Variants in CUZD1 observed in about 807,000 individuals in gnomAD.
The protein encoded by CUZD1 is CUB and zona pellucida-like domain-containing protein 1.
A neutral mutation model predicts 53.1 loss-of-function variants in CUZD1; 42 were observed. The observed-to-expected ratio is 0.79, with a 90% CI of 0.62 to 1.02. The LOEUF (loss-of-function observed/expected upper bound fraction) is 1.02. CUZD1 is among the 50% of genes least tolerant of loss of function. The pLI is 0.00. For missense variants in CUZD1, 670 were observed against 715.7 expected (o/e 0.94, Z 0.73); for synonymous variants, 238 against 257.2 (o/e 0.93, Z 0.71).
intron 1 of CUZD1, among the ~76,000 whole-genome samples, chr10:122,842,909 G>T (rs1440467229): frequency 6.6e-6 from 1 of 152,086 alleles, no homozygotes; most frequent in African/African-American, 2.4e-5. Context: ...AAACCACAAC[G>T]AGATATCACT....
intron 3 of CUZD1, chr10:122,838,000 G>GAT: frequency 1.3e-5 from 2 of 154,872 alleles, no homozygotes; most frequent in South Asian, 2.0e-4. Flanking sequence ...CCTCTTCCCT[G>GAT]ACTCCCACCT....
Position 122,838,902 on chromosome 10 carries a change from A to G in CUZD1, c.448+115T>C, listed in dbSNP as rs1847293215. ...TTAGAGAACTACTGCTCTCTCAGATAGAGAAGACTCTGAGGGAATATACTC... is the reference window on the plus strand; with the variant it reads ...TTAGAGAACTACTGCTCTCTCAGATGGAGAAGACTCTGAGGGAATATACTC... On this transcript the variant is annotated intron_variant, in intron 3 of 8. Coordinates refer to ENST00000392790, the MANE Select transcript of CUZD1 (RefSeq NM_022034.6). 5.3e-6 allele frequency: 4 copies of G among 750,908 alleles called. No individual in the cohort carries two copies. In the African/African-American group the frequency reaches 7.1e-5, roughly 13 times the overall value. 46.5% of individuals were successfully genotyped at this position (750,908 alleles called of 1,614,324 possible).
intron 6 of CUZD1, among the ~76,000 whole-genome samples, chr10:122,835,947 C>A (rs1847243615): frequency 6.6e-6 from 1 of 152,072 alleles, no homozygotes; most frequent in Non-Finnish European, 1.5e-5. Context: ...GAGTTCTTTA[C>A]CTTCTGGGAA....
chr10:122,834,006 G>A, intron 7 of CUZD1, 66 bp from the exon 8 acceptor site: 3 of 1,457,732 alleles, frequency 2.1e-6, no homozygotes, highest in Non-Finnish European at 2.8e-6. Context: ...ATACTAAAAA[G>A]TTTTCTCTCA....
intron 7 of CUZD1, 60 bp downstream of exon 7, chr10:122,834,646 T>A: frequency 6.5e-6 from 9 of 1,389,972 alleles, no homozygotes; most frequent in Non-Finnish European, 8.6e-6. Context: ...AATTACTTTA[T>A]TGAAATTATT....
At chr10:122,843,071 A>G (rs1259560678) in intron 1 of CUZD1, among the ~76,000 whole-genome samples, 1 of 152,244 alleles carries the variant, frequency 6.6e-6, no homozygotes, top group Admixed American at 6.5e-5. Flanking sequence ...AAAAGAGTAA[A>G]CATACAGTTA....
At chr10:122,839,736 G>C (rs1847307427) in intron 2 of CUZD1, among the ~76,000 whole-genome samples, 1 of 152,282 alleles carries the variant, frequency 6.6e-6, no homozygotes, top group Non-Finnish European at 1.5e-5. Flanking sequence ...CCCATGCCCT[G>C]CACTGGACAG....
chr10:122,833,968 G>C (rs200292803), intron 7 of CUZD1, 28 bp from the exon 8 acceptor site: 1 of 1,594,112 alleles, frequency 6.3e-7, no homozygotes. Flanking sequence ...AACATGTTTA[G>C]AAGATACAGA....
intron 2 of CUZD1, among the ~76,000 whole-genome samples, chr10:122,839,745 AG>A (rs1169238352): frequency 6.6e-6 from 1 of 152,222 alleles, no homozygotes; most frequent in Non-Finnish European, 1.5e-5. Context: ...TGCACTGGAC[AG>A]GACAGCCCAG....
Position 122,836,280 on chromosome 10 carries a change from A to G in CUZD1, c.888T>C (p.Ser296=), listed in dbSNP as rs1037623227. ...CTTTTAGTTGCAAGTTATTCCCATT[A>G]GAGTTAAAAGCCTCTAGGTAGGATT... is the stretch of plus-strand genomic sequence containing the variant. ...ISKSYLEAFN[S]NGNNLQLKDP... Residue 296 remains serine (S), a synonymous_variant, in exon 6 of 9, where the codon TCT becomes TCC. Coordinates refer to ENST00000392790, the MANE Select transcript of CUZD1 (RefSeq NM_022034.6). 2 of 1,612,168 alleles carry G rather than the reference A, an allele frequency of 1.2e-6. No homozygotes were observed. Among genetic ancestry groups the G allele is most frequent in the African/African-American group, 2.7e-5 (2 of 74,662 alleles).
At chr10:122,833,542 A>T (rs1210481883) in intron 8 of CUZD1, 130 bp downstream of exon 8, 2 of 975,958 alleles carry the variant, frequency 2.0e-6, no homozygotes, top group South Asian at 1.6e-5. Flanking sequence ...CTATATACTT[A>T]AAATTCAACT....
intron 3 of CUZD1, chr10:122,837,776 T>C (rs2133814738): frequency 7.0e-6 from 3 of 430,410 alleles, no homozygotes; most frequent in Non-Finnish European, 8.1e-6. Flanking sequence ...AAACGAATCA[T>C]ATTAAAGTTG....
Position 122,837,496 on chromosome 10 carries a change from AT to A in CUZD1, c.506del (p.Asn169IlefsTer24). The A allele has an allele frequency of 6.2e-7, 1 of 1,610,720 alleles. No individual in the cohort carries two copies. Among genetic ancestry groups the A allele is most frequent in the African/African-American group, 1.3e-5 (1 of 74,886 alleles). On this transcript the variant is annotated frameshift_variant, in exon 4 of 9. Coordinates refer to ENST00000392790, the MANE Select transcript of CUZD1 (RefSeq NM_022034.6). LOFTEE classifies it high-confidence loss of function. ...CCAGCTCAGGATGCGGCTTTGGGTA[AT>A]TGGGGCTGGTGAAGGATCCTTCCAA... ...DTLEGSFTSP[N>X]YPKPHPELAY...
At position 122,832,470 on chromosome 10, in the gene CUZD1, G is replaced by A. The variant is rs1224223124; in HGVS notation, c.1652-20C>T. 1.2e-6 allele frequency: 2 copies of A among 1,610,978 alleles called. No individual in the cohort carries two copies. Among genetic ancestry groups the A allele is most frequent in the Admixed American group, 3.3e-5 (2 of 59,828 alleles). ...GAAATCCTAAAATTGGAAACAAGATGAAAATCACTTTTTAAGAAGTGTTCA... is the reference window on the plus strand; with the variant it reads ...GAAATCCTAAAATTGGAAACAAGATAAAAATCACTTTTTAAGAAGTGTTCA... On this transcript the variant is annotated intron_variant, in intron 8 of 8. Transcript: ENST00000392790.
intron 1 of CUZD1, 66 bp downstream of exon 1, chr10:122,845,696 T>G (rs1847427227): frequency 1.4e-6 from 2 of 1,411,316 alleles, no homozygotes; most frequent in Admixed American, 1.9e-5. Context: ...TGAAAAATTT[T>G]GAAAGAGGCC....
intron 3 of CUZD1, 172 bp from the exon 4 acceptor site, chr10:122,837,726 C>T: frequency 3.4e-6 from 2 of 580,894 alleles, no homozygotes; most frequent in Non-Finnish European, 5.7e-6. Context: ...AATTTCTGTC[C>T]ACTGGTGCAG....
At chr10:122,836,724 A>T (rs1847257440) in intron 5 of CUZD1, 107 bp downstream of exon 5, 5 of 805,836 alleles carry the variant, frequency 6.2e-6, no homozygotes, top group Non-Finnish European at 1.0e-5. Flanking sequence ...ACTACATGTG[A>T]CATGCTTGCA....
At position 122,836,358 on chromosome 10, in the gene CUZD1, G is replaced by GAA. The variant is rs11365591; in HGVS notation, c.818-10_818-9dup. 52 of 1,208,336 alleles carry GAA rather than the reference G, an allele frequency of 4.3e-5. No homozygotes were observed. Among genetic ancestry groups the GAA allele is most frequent in the East Asian group, 1.5e-4 (5 of 33,988 alleles). The allele number at this position is 1,208,336 out of a possible 1,614,324, so 74.9% of individuals were successfully genotyped here. On this transcript the variant is annotated splice_polypyrimidine_tract_variant and intron_variant, in intron 5 of 8. Transcript: ENST00000392790. ...AAGAGCAAGTTAAAGATGCTGTCAGGAAAAAAAAAAAAAAAAGAATGGTCA... is the reference window on the plus strand; with the variant it reads ...AAGAGCAAGTTAAAGATGCTGTCAGGAAAAAAAAAAAAAAAAAAGAATGGTCA...
In CUZD1 at chr10:122,836,309, T is replaced by G. The variant is rs1847249035; in HGVS notation, c.859A>C (p.Ser287Arg). ...TTAAAAGCCTCTAGGTAGGATTTGCTTATAATAACTCTCATCCTGTCAGAA... is the reference window on the plus strand; with the variant it reads ...TTAAAAGCCTCTAGGTAGGATTTGCGTATAATAACTCTCATCCTGTCAGAA... The part of the protein sequence containing the change: ...CSSDRMRVII[S>R]KSYLEAFNSN... The change falls in exon 6 of 9, where the codon AGC becomes CGC. Residue 287 changes from serine to arginine, a missense_variant. Physicochemically the swap from Ser to Arg is moderately radical, Grantham distance 110 (BLOSUM62 -1). Coordinates refer to ENST00000392790, the MANE Select transcript of CUZD1 (RefSeq NM_022034.6). 2 of 1,606,626 alleles carry G rather than the reference T, an allele frequency of 1.2e-6. No individual in the cohort carries two copies. Among genetic ancestry groups the G allele is most frequent in the Non-Finnish European group, 1.7e-6 (2 of 1,177,756 alleles).
Sources: allele counts gnomAD v4.1 joint callset (sites outside exome capture counted in the v4.1 genomes callset), GRCh38; gene constraint gnomAD v4.1.1; transcripts MANE v1.5; gene names NCBI Gene and HGNC (gene_info 2026-07-23, HGNC 2026-07-21).